NDUFA5: variants seen among roughly 807,000 people sequenced by gnomAD.
The protein encoded by NDUFA5 is NADH:ubiquinone oxidoreductase subunit A5, also known as NADH dehydrogenase [ubiquinone] 1 alpha subcomplex subunit 5.
Under a neutral mutation model 19.8 loss-of-function variants are expected in NDUFA5, and 11 were observed. That is an observed-to-expected ratio of 0.56 (90% CI 0.35 to 0.92). The LOEUF (loss-of-function observed/expected upper bound fraction) is 0.92. Among genes scored for constraint, NDUFA5 ranks in the 40% least tolerant of loss-of-function variants. The probability of loss-of-function intolerance (pLI) is 0.01; values close to 1 mark genes in which losing one functional copy is unlikely to be tolerated. For missense variants in NDUFA5, 109 were observed against 134.2 expected (o/e 0.81, Z 0.93); for synonymous variants, 47 against 46.8 (o/e 1.00, Z -0.01).
At chr7:123,566,132 C>A in the NDUFA5 span, among the ~76,000 whole-genome samples, 1 of 152,034 alleles carries the variant, frequency 6.6e-6, no homozygotes, top group African/African-American at 2.4e-5. Context: ...CAATGATGTC[C>A]TTATTAAAAG....
intron 2 of NDUFA5, 198 bp downstream of exon 2, chr7:123,557,206 G>A: frequency 2.6e-6 from 2 of 779,036 alleles, no homozygotes; most frequent in Non-Finnish European, 4.4e-6. Flanking sequence ...GCTTAATAAA[G>A]AGGTCATGGC....
chr7:123,574,511 G>A, the NDUFA5 span, among the ~76,000 whole-genome samples: 5 of 152,116 alleles, frequency 3.3e-5, no homozygotes, highest in Non-Finnish European at 5.9e-5. Context: ...TAATGATAGT[G>A]GGCTGTGAAC....
chr7:123,583,199 G>A, the NDUFA5 span, among the ~76,000 whole-genome samples: 4 of 151,696 alleles, frequency 2.6e-5, no homozygotes, highest in African/African-American at 9.7e-5. Context: ...AAGATCAGCT[G>A]GGGCAATTAT....
At chr7:123,549,298 A>C (rs966446362) in intron 3 of NDUFA5, among the ~76,000 whole-genome samples, 1 of 152,248 alleles carries the variant, frequency 6.6e-6, no homozygotes, top group Non-Finnish European at 1.5e-5. Context: ...TAAATAGCAG[A>C]GAAAAGGATT....
At chr7:123,596,861 A>G in the NDUFA5 span, among the ~76,000 whole-genome samples, 9 of 152,296 alleles carry the variant, frequency 5.9e-5, 1 homozygote, top group East Asian at 1.2e-3. Flanking sequence ...ACAATACTGA[A>G]TTTTCAATAA....
At chr7:123,572,987 A>G in the NDUFA5 span, among the ~76,000 whole-genome samples, 2 of 152,028 alleles carry the variant, frequency 1.3e-5, no homozygotes, top group East Asian at 3.9e-4. Context: ...TGACCTATCA[A>G]ATTTTAACAA....
At chr7:123,564,162 A>G in the NDUFA5 span, among the ~76,000 whole-genome samples, 1 of 152,186 alleles carries the variant, frequency 6.6e-6, no homozygotes, top group Non-Finnish European at 1.5e-5. Context: ...CAAGAAAAGA[A>G]CACCCAAAAC....
the NDUFA5 span, among the ~76,000 whole-genome samples, chr7:123,580,644 A>T: frequency 6.6e-6 from 1 of 152,010 alleles, no homozygotes; most frequent in Non-Finnish European, 1.5e-5. Flanking sequence ...TCATCTCTCC[A>T]AGTGAATGCA....
At chr7:123,555,903 A>G (rs965447907) in intron 2 of NDUFA5, 1 of 152,232 alleles carries the variant, frequency 6.6e-6, no homozygotes, top group Admixed American at 6.5e-5. Context: ...TTAACAGACT[A>G]ACTCTAGTAG....
the NDUFA5 span, among the ~76,000 whole-genome samples, chr7:123,593,262 C>T: frequency 6.6e-6 from 1 of 152,008 alleles, no homozygotes; most frequent in African/African-American, 2.4e-5. Context: ...GGGCATTTAG[C>T]CTGTTTACAT....
chr7:123,573,804 T>A, the NDUFA5 span, among the ~76,000 whole-genome samples: 1 of 152,116 alleles, frequency 6.6e-6, no homozygotes, highest in Admixed American at 6.5e-5. Context: ...GTAGCTTCAA[T>A]CATTTAAAAG....
intron 3 of NDUFA5, among the ~76,000 whole-genome samples, chr7:123,547,446 G>C (rs1373809660): frequency 1.3e-5 from 2 of 151,526 alleles, no homozygotes; most frequent in Non-Finnish European, 2.9e-5. Flanking sequence ...TCTCCAAGAA[G>C]GAAAGGATTT....
chr7:123,561,988 G>A (rs973408130), upstream of NDUFA5, among the ~76,000 whole-genome samples: 8 of 151,762 alleles, frequency 5.3e-5, no homozygotes, highest in African/African-American at 1.2e-4. Context: ...CAGAGGAATC[G>A]GTATTTATGG....
In NDUFA5 at chr7:123,538,062, G is replaced by A. The variant is rs1416403160; in HGVS notation, c.*4057C>T. 1 of 151,872 alleles carries A rather than the reference G, an allele frequency of 6.6e-6. No individual in the cohort carries two copies. The highest frequency in any genetic ancestry group is 1.5e-5 in the Non-Finnish European group (1 of 67,966). 9.4% of individuals were successfully genotyped at this position (151,872 alleles called of 1,614,324 possible). On this transcript the variant is annotated 3_prime_UTR_variant, in exon 5 of 5. Coordinates refer to ENST00000355749, the MANE Select transcript of NDUFA5 (RefSeq NM_005000.5). ...GGCAAGTTCAATTCATAAATTTTGTGGCACAGTCAAAAAAAAATTTAACCT... is the reference window on the plus strand; with the variant it reads ...GGCAAGTTCAATTCATAAATTTTGTAGCACAGTCAAAAAAAAATTTAACCT...
the NDUFA5 span, among the ~76,000 whole-genome samples, chr7:123,562,922 T>C: frequency 2.0e-5 from 3 of 151,568 alleles, no homozygotes; most frequent in African/African-American, 7.3e-5. Context: ...CTCAGCCTCC[T>C]GAGTAACTAG....
the NDUFA5 span, among the ~76,000 whole-genome samples, chr7:123,568,241 G>A: frequency 0.27 from 40,762 of 152,056 alleles, 5,646 homozygotes; most frequent in East Asian, 0.32. Flanking sequence ...GGCTGGGCGC[G>A]GTGGCTCACG....
chr7:123,544,687 G>C (rs1011353850), intron 4 of NDUFA5, among the ~76,000 whole-genome samples: 1 of 126,820 alleles, frequency 7.9e-6, no homozygotes, highest in Non-Finnish European at 1.6e-5. Context: ...AAATATTAAT[G>C]ACATAATTTA....
upstream of NDUFA5, among the ~76,000 whole-genome samples, chr7:123,562,212 C>T (rs1275707467): frequency 1.3e-5 from 2 of 151,902 alleles, no homozygotes; most frequent in Admixed American, 6.6e-5. Context: ...TTTCTTAGCC[C>T]AGACTTTGTT....
At chr7:123,550,065 A>G (rs1234023181) in intron 3 of NDUFA5, 2 of 172,466 alleles carry the variant, frequency 1.2e-5, no homozygotes, top group South Asian at 2.9e-4. Flanking sequence ...CTACTTAATA[A>G]CAGTCTAGTC....
Sources: allele counts gnomAD v4.1 joint callset (sites outside exome capture counted in the v4.1 genomes callset), GRCh38; gene constraint gnomAD v4.1.1; transcripts MANE v1.5; gene names NCBI Gene and HGNC (gene_info 2026-07-23, HGNC 2026-07-21).